The following LHFPL6 variants were observed in gnomAD, a reference collection of about 807,000 sequenced individuals.
The protein encoded by LHFPL6 is LHFPL tetraspan subfamily member 6 protein.
LHFPL6 carries 9 observed loss-of-function variants against 20.6 expected under a neutral mutation model. The observed-to-expected ratio is 0.44, with a 90% CI of 0.26 to 0.76. LHFPL6 has a LOEUF of 0.76. Among genes scored for constraint, LHFPL6 ranks in the 30% least tolerant of loss-of-function variants. The pLI, the probability that LHFPL6 is intolerant of heterozygous loss-of-function variation, is 0.20. For synonymous variants in LHFPL6, 105 were observed against 98.7 expected (o/e 1.06, Z -0.38); for missense variants, 218 against 253.5 (o/e 0.86, Z 0.95).
intron 2 of LHFPL6, among the ~76,000 whole-genome samples, chr13:39,380,732 A>G (rs1194316100): frequency 6.6e-6 from 1 of 152,072 alleles, no homozygotes; most frequent in Non-Finnish European, 1.5e-5. Context: ...ACCACAGGTG[A>G]TCTGCCTGCT....
intron 3 of LHFPL6, among the ~76,000 whole-genome samples, chr13:39,363,897 T>C (rs1276809552): frequency 1.3e-5 from 2 of 152,196 alleles, no homozygotes; most frequent in Non-Finnish European, 2.9e-5. Flanking sequence ...TATATACACA[T>C]TGGGACATAT....
chr13:39,546,910 C>G (rs1870998189), intron 2 of LHFPL6, among the ~76,000 whole-genome samples: 1 of 152,052 alleles, frequency 6.6e-6, no homozygotes, highest in African/African-American at 2.4e-5. Context: ...TGCTTAGCAC[C>G]CTTCAGCAAA....
chr13:39,580,589 G>A lies in LHFPL6; in HGVS notation c.385+20243C>T, dbSNP rs559027573. Among the ~76,000 whole-genome samples the A allele has an allele frequency of 1.7e-3, 261 of 151,962 alleles. 2 individuals are homozygous for A. The highest frequency in any genetic ancestry group is 6.1e-3 in the African/African-American group (252 of 41,426). On this transcript the variant is annotated intron_variant, in intron 2 of 3. Coordinates refer to ENST00000379589, the MANE Select transcript of LHFPL6 (RefSeq NM_005780.3). ...TTCTTAGTCTGCTTCTGTTCATTAC[G>A]TTACCCCCAATATCTAGAATGTTTC... is the stretch of plus-strand genomic sequence containing the variant.
intron 2 of LHFPL6, among the ~76,000 whole-genome samples, chr13:39,537,823 G>A (rs1870666921): frequency 6.6e-6 from 1 of 151,858 alleles, no homozygotes. Context: ...TATACTTCAG[G>A]CACAGAACCA....
chr13:39,462,406 TATC>T (rs1872709450), intron 2 of LHFPL6, among the ~76,000 whole-genome samples: 1 of 152,354 alleles, frequency 6.6e-6, no homozygotes, highest in Admixed American at 6.5e-5. Flanking sequence ...TGTGTTACTG[TATC>T]TCACACACCA....
At chr13:39,516,020 C>A (rs922440692) in intron 2 of LHFPL6, among the ~76,000 whole-genome samples, 2 of 152,042 alleles carry the variant, frequency 1.3e-5, no homozygotes, top group African/African-American at 4.8e-5. Flanking sequence ...AAATTTCAAC[C>A]CAGGAATTTT....
At chr13:39,384,152 C>T (rs1482343911) in intron 2 of LHFPL6, among the ~76,000 whole-genome samples, 1 of 152,194 alleles carries the variant, frequency 6.6e-6, no homozygotes, top group Non-Finnish European at 1.5e-5. Context: ...AATACCCCAC[C>T]GTATTTCTTG....
chr13:39,403,752 A>G lies in LHFPL6; in HGVS notation c.386-25226T>C, dbSNP rs149587601. Reference sequence around the variant, plus strand: ...GAAATTTCATTAGGTGATGTTTAAGATATTCAAAGTATGTGCATGGGTAAA... The same window carrying G: ...GAAATTTCATTAGGTGATGTTTAAGGTATTCAAAGTATGTGCATGGGTAAA... On this transcript the variant is annotated intron_variant, in intron 2 of 3. Transcript: ENST00000379589. 3.8e-3 allele frequency among the ~76,000 whole-genome samples: 579 copies of G among 152,326 alleles called. 4 individuals are homozygous for G. Among genetic ancestry groups the G allele is most frequent in the African/African-American group, 0.013 (549 of 41,568 alleles).
At chr13:39,512,909 G>A (rs779798021) in intron 2 of LHFPL6, among the ~76,000 whole-genome samples, 1 of 152,216 alleles carries the variant, frequency 6.6e-6, no homozygotes, top group African/African-American at 2.4e-5. Context: ...CTTGAAAGAC[G>A]TGCCCAGGCA....
At chr13:39,539,505 G>T (rs996565800) in intron 2 of LHFPL6, among the ~76,000 whole-genome samples, 2 of 152,126 alleles carry the variant, frequency 1.3e-5, no homozygotes, top group African/African-American at 4.8e-5. Context: ...CTGCAACCCA[G>T]CTCATTCTTT....
intron 2 of LHFPL6, among the ~76,000 whole-genome samples, chr13:39,568,789 C>T (rs1871810556): frequency 6.6e-6 from 1 of 152,178 alleles, no homozygotes; most frequent in African/African-American, 2.4e-5. Flanking sequence ...CCAGTGCTAC[C>T]TCCAGAGATG....
At chr13:39,517,636 A>G (rs983738377) in intron 2 of LHFPL6, among the ~76,000 whole-genome samples, 1 of 152,134 alleles carries the variant, frequency 6.6e-6, no homozygotes, top group Admixed American at 6.5e-5. Context: ...TAGCACCATT[A>G]TATGTCCCTG....
intron 2 of LHFPL6, among the ~76,000 whole-genome samples, chr13:39,550,018 G>A (rs373243946): frequency 9.9e-5 from 15 of 152,106 alleles, no homozygotes; most frequent in African/African-American, 3.4e-4. Context: ...TGGGTGTTGA[G>A]TTTCTTTCTG....
intron 3 of LHFPL6, among the ~76,000 whole-genome samples, chr13:39,365,153 C>A (rs1039832695): frequency 6.6e-6 from 1 of 152,122 alleles, no homozygotes; most frequent in African/African-American, 2.4e-5. Context: ...CATGGACTGC[C>A]CAGAAGACAG....
At chr13:39,459,528 ATACTT>A (rs1164990832) in intron 2 of LHFPL6, among the ~76,000 whole-genome samples, 1 of 152,066 alleles carries the variant, frequency 6.6e-6, no homozygotes, top group Non-Finnish European at 1.5e-5. Flanking sequence ...GTAATTTTCA[ATACTT>A]TAACATTAAG....
intron 2 of LHFPL6, among the ~76,000 whole-genome samples, chr13:39,469,149 C>A (rs1872880962): frequency 6.6e-6 from 1 of 152,174 alleles, no homozygotes; most frequent in Non-Finnish European, 1.5e-5. Flanking sequence ...CTTCAAGTCA[C>A]TCTACTTTTG....
intron 2 of LHFPL6, among the ~76,000 whole-genome samples, chr13:39,450,320 A>G (rs1872408305): frequency 6.6e-6 from 1 of 152,188 alleles, no homozygotes; most frequent in Non-Finnish European, 1.5e-5. Context: ...ATAACTCAAT[A>G]GGTCCTGCTG....
intron 2 of LHFPL6, among the ~76,000 whole-genome samples, chr13:39,392,791 T>C (rs1211416372): frequency 6.6e-6 from 1 of 151,800 alleles, no homozygotes; most frequent in Admixed American, 6.6e-5. Flanking sequence ...TAAGGTATTT[T>C]TTATGTAGTT....
chr13:39,589,245 T>A (rs1218908791), intron 2 of LHFPL6, among the ~76,000 whole-genome samples: 1 of 152,144 alleles, frequency 6.6e-6, no homozygotes, highest in Non-Finnish European at 1.5e-5. Context: ...TAGCCGAGAT[T>A]ACAGGCGCAT....
Sources: allele counts gnomAD v4.1 joint callset (sites outside exome capture counted in the v4.1 genomes callset), GRCh38; gene constraint gnomAD v4.1.1; transcripts MANE v1.5; gene names NCBI Gene and HGNC (gene_info 2026-07-23, HGNC 2026-07-21).